Variants in KATNAL2 observed in about 807,000 individuals in gnomAD.
KATNAL2 encodes katanin p60 ATPase-containing subunit A-like 2.
A neutral mutation model predicts 76.3 loss-of-function variants in KATNAL2; 52 were observed. The ratio of observed to expected loss-of-function variants is 0.68; its 90% CI spans 0.55 to 0.86. KATNAL2 has a LOEUF of 0.86. Among genes scored for constraint, KATNAL2 ranks in the 40% least tolerant of loss-of-function variants. KATNAL2 has a pLI of 0.00. For synonymous variants in KATNAL2, 243 were observed against 244.2 expected (o/e 1.00, Z 0.05); for missense variants, 660 against 668.9 (o/e 0.99, Z 0.15).
chr18:47,053,383 A>G (rs544515051), intron 5 of KATNAL2, among the ~76,000 whole-genome samples: 9 of 152,340 alleles, frequency 5.9e-5, no homozygotes, highest in African/African-American at 2.2e-4. Context: ...ATGACAGAAG[A>G]CTTTTTTTGT....
chr18:47,074,494 A>G (rs1305883376), intron 13 of KATNAL2, among the ~76,000 whole-genome samples: 2 of 152,144 alleles, frequency 1.3e-5, no homozygotes, highest in Non-Finnish European at 2.9e-5. Context: ...TCAACCAGTG[A>G]AGGATTGTAT....
intron 1 of KATNAL2, among the ~76,000 whole-genome samples, chr18:46,918,385 T>A (rs1158934507): frequency 3.3e-5 from 5 of 152,132 alleles, no homozygotes; most frequent in Non-Finnish European, 7.4e-5. Context: ...TACCGCCTCT[T>A]CCCACTACCC....
chr18:46,925,156 G>A (rs1443547696), intron 1 of KATNAL2, among the ~76,000 whole-genome samples: 1 of 152,100 alleles, frequency 6.6e-6, no homozygotes, highest in Non-Finnish European at 1.5e-5. Context: ...TCCCTGTCTT[G>A]TGCCAGTTTT....
intron 1 of KATNAL2, among the ~76,000 whole-genome samples, chr18:46,919,863 G>A (rs1294506553): frequency 6.6e-6 from 1 of 152,112 alleles, no homozygotes; most frequent in African/African-American, 2.4e-5. Flanking sequence ...ATTCTCCGTA[G>A]ACCTTGATTT....
chr18:47,096,423 C>A (rs1160171690), intron 15 of KATNAL2, among the ~76,000 whole-genome samples: 1 of 152,068 alleles, frequency 6.6e-6, no homozygotes, highest in Non-Finnish European at 1.5e-5. Flanking sequence ...CTCACTACAA[C>A]CTCGGCTTCC....
intron 3 of KATNAL2, among the ~76,000 whole-genome samples, chr18:47,043,223 T>TC (rs1206646690): frequency 4.9e-5 from 2 of 41,128 alleles, no homozygotes; most frequent in African/African-American, 8.9e-5. Context: ...CGAGACTCCG[T>TC]TTCAAAAAAA....
intron 3 of KATNAL2, among the ~76,000 whole-genome samples, chr18:46,960,436 A>AG (rs1360478311): frequency 6.6e-6 from 1 of 151,970 alleles, no homozygotes; most frequent in African/African-American, 2.4e-5. Flanking sequence ...TCAAAAAAAA[A>AG]AAAAATGAAC....
At chr18:47,084,025 T>C (rs1487944828) in intron 15 of KATNAL2, among the ~76,000 whole-genome samples, 1 of 152,158 alleles carries the variant, frequency 6.6e-6, no homozygotes, top group Admixed American at 6.5e-5. Flanking sequence ...ATCCCTAACA[T>C]TTAGAAGAAA....
intron 6 of KATNAL2, among the ~76,000 whole-genome samples, chr18:47,055,216 G>A (rs1326496665): frequency 6.6e-6 from 1 of 152,194 alleles, no homozygotes; most frequent in East Asian, 1.9e-4. Context: ...CCGGCTGCCA[G>A]TGAGGGCCAG....
At chr18:47,058,425 T>C in intron 7 of KATNAL2, 73 bp downstream of exon 7, 2 of 866,650 alleles carry the variant, frequency 2.3e-6, no homozygotes, top group Non-Finnish European at 3.8e-6. Context: ...AAGGTCACAT[T>C]TATTTATTTT....
At chr18:46,956,816 G>A (rs1227052163) in intron 3 of KATNAL2, among the ~76,000 whole-genome samples, 1 of 152,148 alleles carries the variant, frequency 6.6e-6, no homozygotes, top group Non-Finnish European at 1.5e-5. Context: ...GCTGAGGCAG[G>A]CAGATCACCT....
At position 47,049,411 on chromosome 18, in the gene KATNAL2, C is replaced by G. The variant is rs182330796; in HGVS notation, c.122+2884C>G. ...AAAGAAACTGGAATGTGGGCTTGGC[C>G]CATTTTACATCATCTTTTGATGGAA... On this transcript the variant is annotated intron_variant, in intron 4 of 17. Transcript: ENST00000683218. 3.7e-3 allele frequency among the ~76,000 whole-genome samples: 566 copies of G among 152,264 alleles called. 3 individuals carry two copies. Among genetic ancestry groups the G allele is most frequent in the Middle Eastern group, 0.01 (3 of 294 alleles).
intron 1 of KATNAL2, among the ~76,000 whole-genome samples, chr18:46,939,907 AT>A (rs1201455964): frequency 6.6e-6 from 1 of 152,136 alleles, no homozygotes; most frequent in Non-Finnish European, 1.5e-5. Context: ...CACCCCCTTC[AT>A]TTTTAAAACT....
At chr18:47,031,591 G>A (rs1401468634) in intron 3 of KATNAL2, among the ~76,000 whole-genome samples, 1 of 152,098 alleles carries the variant, frequency 6.6e-6, no homozygotes, top group African/African-American at 2.4e-5. Context: ...CAGACTTCCA[G>A]CTACTTCTCC....
intron 8 of KATNAL2, 120 bp downstream of exon 8, chr18:47,059,774 G>T: frequency 2.8e-6 from 2 of 726,556 alleles, no homozygotes; most frequent in Non-Finnish European, 4.7e-6. Flanking sequence ...TTGAAGGTTG[G>T]CTGTGAGGTA....
rs1037688427 is a variant in KATNAL2 at position 47,035,326 on chromosome 18, G to C, written c.52-11131G>C. 1.9e-6 allele frequency: 3 copies of C among 1,607,746 alleles called. No individual in the cohort carries two copies. In the African/African-American group the frequency reaches 4.0e-5, roughly 22 times the overall value. On this transcript the variant is annotated intron_variant, in intron 3 of 17. Transcript: ENST00000683218. Reference sequence around the variant, plus strand: ...TCGCAGCTCTGTCTTTGGGGCTGCGGGACAGGAAGTCTGGGGTGGCCGGTC... The same window carrying C: ...TCGCAGCTCTGTCTTTGGGGCTGCGCGACAGGAAGTCTGGGGTGGCCGGTC...
At chr18:47,039,966 G>T (rs2060908090) in intron 3 of KATNAL2, among the ~76,000 whole-genome samples, 1 of 152,196 alleles carries the variant, frequency 6.6e-6, no homozygotes, top group Non-Finnish European at 1.5e-5. Context: ...GTCCAATATA[G>T]TCTTTAGAAA....
chr18:47,071,071 A>G (rs1475165339), intron 13 of KATNAL2, among the ~76,000 whole-genome samples: 1 of 152,204 alleles, frequency 6.6e-6, no homozygotes, highest in Non-Finnish European at 1.5e-5. Flanking sequence ...CAGTATTCAC[A>G]GGATGCAAAA....
intron 5 of KATNAL2, 147 bp from the exon 6 acceptor site, chr18:47,054,249 G>T (rs1177756315): frequency 2.9e-6 from 2 of 689,222 alleles, no homozygotes; most frequent in Admixed American, 2.6e-5. Context: ...GTTCTCTCTA[G>T]ATGAGAATAG....
Sources: allele counts gnomAD v4.1 joint callset (sites outside exome capture counted in the v4.1 genomes callset), GRCh38; gene constraint gnomAD v4.1.1; transcripts MANE v1.5; gene names NCBI Gene and HGNC (gene_info 2026-07-23, HGNC 2026-07-21).